Variants in EXD3 observed in about 807,000 individuals in gnomAD.
The protein encoded by EXD3 is exonuclease 3'-5' domain containing 3.
In EXD3, 92 loss-of-function variants were observed where a neutral mutation model predicts 98.0. The ratio of observed to expected loss-of-function variants is 0.94; its 90% CI spans 0.79 to 1.12. The LOEUF is 1.12. EXD3 is among the 50% of genes most tolerant of loss of function. The probability of loss-of-function intolerance (pLI) is 0.00; values close to 1 mark genes in which losing one functional copy is unlikely to be tolerated. For synonymous variants in EXD3, 569 were observed against 526.0 expected, an observed-to-expected ratio of 1.08 and a Z score of -1.12; for missense variants, 1,222 against 1,191.6, an observed-to-expected ratio of 1.03 and a Z score of -0.38.
intron 1 of EXD3, among the ~76,000 whole-genome samples, 185 bp downstream of exon 1, chr9:137,422,929 T>A (rs1838611035): frequency 6.6e-6 from 1 of 151,966 alleles, no homozygotes; most frequent in South Asian, 2.1e-4. Context: ...AGCGGGGCCC[T>A]GCGGGAGAAC....
Position 137,395,468 on chromosome 9 carries a change from C to T in EXD3, c.-47-64G>A, listed in dbSNP as rs544062492. On this transcript the variant is annotated intron_variant, in intron 1 of 21. Transcript: ENST00000340951. This position sits in a 1 kb window ranked among gnomAD's most constrained non-coding sequence, Gnocchi z 6.5. Reference sequence around the variant, plus strand: ...GCAACAGGCAGCCATGCAGAGCCCACGCCCACAGCCCCTGGAGGTGGTGGA... The same window carrying T: ...GCAACAGGCAGCCATGCAGAGCCCATGCCCACAGCCCCTGGAGGTGGTGGA... The T allele has an allele frequency of 8.1e-6, 12 of 1,485,160 alleles. No homozygotes were observed. Among genetic ancestry groups the T allele is most frequent in the East Asian group, 4.7e-5 (2 of 42,334 alleles). 92.0% of individuals were successfully genotyped at this position (1,485,160 alleles called of 1,614,324 possible).
intron 8 of EXD3, among the ~76,000 whole-genome samples, chr9:137,355,561 A>ATGG (rs1834654330): frequency 1.6e-5 from 1 of 61,282 alleles, no homozygotes; most frequent in Non-Finnish European, 3.0e-5. Context: ...AGGAAGGAGG[A>ATGG]AGGGAGGATG....
At chr9:137,336,099 G>A (rs974589186) in intron 17 of EXD3, among the ~76,000 whole-genome samples, 2 of 152,092 alleles carry the variant, frequency 1.3e-5, no homozygotes, top group Non-Finnish European at 2.9e-5. Context: ...GGTACACAAA[G>A]GCATGCAGAG....
intron 1 of EXD3, among the ~76,000 whole-genome samples, chr9:137,406,761 G>T (rs1225270207): frequency 6.6e-6 from 1 of 152,144 alleles, no homozygotes; most frequent in African/African-American, 2.4e-5. Flanking sequence ...AGCCTCAGTG[G>T]GCGGTAGACC....
At chr9:137,339,631 T>C (rs192550616) in intron 17 of EXD3, among the ~76,000 whole-genome samples, 1 of 152,114 alleles carries the variant, frequency 6.6e-6, no homozygotes, top group African/African-American at 2.4e-5. Context: ...ATGTCATTCA[T>C]CACATTTACA....
chr9:137,368,414 A>G (rs1835382420), intron 5 of EXD3, among the ~76,000 whole-genome samples: 1 of 152,104 alleles, frequency 6.6e-6, no homozygotes, highest in African/African-American at 2.4e-5. Context: ...TGGACGGGCC[A>G]AGGCTGAGGA....
intron 1 of EXD3, among the ~76,000 whole-genome samples, chr9:137,415,049 A>G (rs1313054068): frequency 6.6e-6 from 1 of 150,816 alleles, no homozygotes; most frequent in Non-Finnish European, 1.5e-5. Context: ...CACCACGCCC[A>G]GCTAATTTTT....
chr9:137,324,085 C>T lies in EXD3; in HGVS notation c.2052+5G>A, dbSNP rs777325298. The T allele has an allele frequency of 1.3e-6, 2 of 1,585,400 alleles. No individual in the cohort carries two copies. Among genetic ancestry groups the T allele is most frequent in the Non-Finnish European group, 8.6e-7 (1 of 1,166,608 alleles). On this transcript the variant is annotated splice_donor_5th_base_variant and intron_variant, in intron 18 of 21. Coordinates refer to ENST00000340951, the MANE Select transcript of EXD3 (RefSeq NM_017820.5). This position sits in a 1 kb window ranked among gnomAD's most constrained non-coding sequence, Gnocchi z 4.1. ...GCCCACTGAGCTTATCTTTGGGACA[C>T]TCACCTTGTGGAATGGCTGCCCCGA...
rs764248183 is a variant in EXD3, at chr9:137,349,372, C to T, written c.1654G>A (p.Ala552Thr). 3.2e-6 allele frequency: 5 copies of T among 1,585,916 alleles called. No homozygotes were observed. Among genetic ancestry groups the T allele is most frequent in the Admixed American group, 1.7e-5 (1 of 58,048 alleles). The part of the protein sequence containing the change: ...RPLCEEQVIY[A>T]AADAYCLLEV... ...TCCCACCCGCCGCACCGCACACCTG[C>T]GTAGATGACCTGCTCCTCGCAGAGC... Residue 552 changes from alanine to threonine, a missense_variant, in exon 15 of 22, where the codon GCA (alanine) becomes ACA (threonine). Coordinates refer to ENST00000340951, the MANE Select transcript of EXD3 (RefSeq NM_017820.5). The surrounding 1 kb of genome is among the most constrained non-coding windows in gnomAD (Gnocchi z 7.4).
chr9:137,354,406 G>GC, intron 9 of EXD3, 29 bp from the exon 10 acceptor site: 1 of 1,612,206 alleles, frequency 6.2e-7, no homozygotes, highest in Non-Finnish European at 8.5e-7. Flanking sequence ...AGGGGCGGTT[G>GC]CCAGGCAGCT....
In EXD3 at chr9:137,354,765, G is replaced by T; in HGVS notation, c.766C>A (p.Pro256Thr). 6.2e-7 allele frequency: 1 copy of T among 1,609,742 alleles called. No individual in the cohort carries two copies. Residue 256 changes from proline to threonine, a missense_variant, in exon 9 of 22, where the codon CCC (proline) becomes ACC (threonine). Pro to Thr is a conservative substitution (Grantham distance 38, BLOSUM62 -1). Transcript: ENST00000340951. ...AGGCGCTGCTGAATGGCCGCGTTGG[G>T]ACACAGCGCTGAAAGGAAAGGCCAG... Reference protein sequence around the residue: ...ERYGVAPALCPNAAIQQRLAA... With the variant: ...ERYGVAPALCTNAAIQQRLAA...
intron 3 of EXD3, 130 bp downstream of exon 3, chr9:137,383,183 G>A (rs760356088): frequency 3.8e-5 from 29 of 761,490 alleles, no homozygotes; most frequent in Non-Finnish European, 6.4e-5. Flanking sequence ...CAGCAGCTGT[G>A]CAGGACCCTG....
chr9:137,348,166 C>A lies in EXD3; in HGVS notation c.1903G>T (p.Asp635Tyr). ...CGTGCCAGCCCCTGCAGCATGTTGT[C>A]ACACACCACACGGAAGGCCCTGGCC... The part of the protein sequence containing the change: ...IPARAFRVVC[D>Y]NMLQGLARSL... The change falls in exon 17 of 22, where the codon GAC (aspartate) becomes TAC (tyrosine). Residue 635 changes from aspartate (D) to tyrosine (Y), a missense_variant. By Grantham distance (160) the Asp-to-Tyr change is radical (BLOSUM62 -3). Transcript: ENST00000340951. 1 of 1,612,126 alleles carries A rather than the reference C, an allele frequency of 6.2e-7. No individual in the cohort carries two copies. The highest frequency in any genetic ancestry group is 8.5e-7 in the Non-Finnish European group (1 of 1,179,668).
At chr9:137,373,668 C>A in intron 3 of EXD3, 69 bp from the exon 4 acceptor site, 1 of 1,450,132 alleles carries the variant, frequency 6.9e-7, no homozygotes, top group East Asian at 2.5e-5. Flanking sequence ...GCCTCCCCAC[C>A]GCAGAGAGGT....
rs768508083 is a variant in EXD3 at position 137,413,503 on chromosome 9, CTTTTTTT to C, written c.-48+9604_-48+9610del. On this transcript the variant is annotated intron_variant, in intron 1 of 21. Coordinates refer to ENST00000340951, the MANE Select transcript of EXD3 (RefSeq NM_017820.5). The stretch of plus-strand genomic sequence containing the variant: ...GCATGAGCCACCGCGCCTGGCCTAG[CTTTTTTT>C]TTTTTTTTTTTTTGAGACAGGGTCT... Among the ~76,000 whole-genome samples the C allele has an allele frequency of 5.4e-5, 7 of 128,770 alleles. No homozygotes were observed. In the East Asian group the frequency reaches 1.5e-3, roughly 28 times the overall value. 84.5% of individuals were successfully genotyped at this position (128,770 alleles called of 152,430 possible).
At chr9:137,321,310 G>C (rs1425394468) in intron 19 of EXD3, among the ~76,000 whole-genome samples, 1 of 152,218 alleles carries the variant, frequency 6.6e-6, no homozygotes, top group African/African-American at 2.4e-5. Flanking sequence ...TCCCTGCCCA[G>C]CCCAGGCACC....
At chr9:137,396,031 C>T (rs944017202) in intron 1 of EXD3, among the ~76,000 whole-genome samples, 1 of 151,372 alleles carries the variant, frequency 6.6e-6, no homozygotes, top group Non-Finnish European at 1.5e-5. Context: ...GCAGTGGGGC[C>T]ATCTCAGCTC....
intron 2 of EXD3, among the ~76,000 whole-genome samples, chr9:137,386,293 A>G (rs2131732050): frequency 6.6e-6 from 1 of 152,058 alleles, no homozygotes; most frequent in African/African-American, 2.4e-5. Context: ...GAACCTGTCA[A>G]TCAATCCATC....
chr9:137,408,120 C>G (rs1837819042), intron 1 of EXD3, among the ~76,000 whole-genome samples: 1 of 152,318 alleles, frequency 6.6e-6, no homozygotes, highest in Non-Finnish European at 1.5e-5. Flanking sequence ...CTCCTCCTCA[C>G]GTTCGACTGC....
Sources: gnomAD v4.1 joint callset for allele counts (sites outside exome capture counted in the v4.1 genomes callset) on GRCh38, gnomAD v4.1.1 for gene constraint, Gnocchi (gnomAD v3.1) non-coding constraint, MANE v1.5 for transcripts, NCBI Gene and HGNC (gene_info 2026-07-23, HGNC 2026-07-21) for gene names.